Variants in GFM2 observed in about 807,000 individuals in gnomAD.
GFM2 encodes the protein GTP dependent ribosome recycling factor mitochondrial 2.
Under a neutral mutation model 95.4 loss-of-function variants are expected in GFM2, and 72 were observed. The observed-to-expected ratio is 0.76, with a 90% CI of 0.62 to 0.92. GFM2 has a LOEUF of 0.92. Among genes scored for constraint, GFM2 ranks in the 40% least tolerant of loss-of-function variants. The pLI is 0.00. For synonymous variants in GFM2, 276 were observed against 317.5 expected (o/e 0.87, Z 1.39); for missense variants, 825 against 924.1 (o/e 0.89, Z 1.39).
At chr5:74,749,495 T>C (rs1580004324) in intron 7 of GFM2, among the ~76,000 whole-genome samples, 1 of 152,338 alleles carries the variant, frequency 6.6e-6, no homozygotes, top group South Asian at 2.1e-4. Context: ...GTGCTTACTA[T>C]TCATTCACAT....
Position 74,721,658 on chromosome 5 carries a change from G to A in GFM2, c.2337C>T (p.Thr779=), listed in dbSNP as rs1247339753. ...TTCTCTCCAAAAACTAAAACATTTA[G>A]GTCAAACCACTTCTCCGGTTGAGCA... The part of the protein sequence containing the change: ...NTLLNRRSGL[T] The change falls in exon 21 of 21, where the codon ACC becomes ACT. Residue 779 remains threonine, a synonymous_variant. Coordinates refer to ENST00000296805, the MANE Select transcript of GFM2 (RefSeq NM_032380.5). 1 of 1,611,196 alleles carries A rather than the reference G, an allele frequency of 6.2e-7. No individual in the cohort carries two copies. Among genetic ancestry groups the A allele is most frequent in the South Asian group, 1.1e-5 (1 of 90,030 alleles).
At chr5:74,758,987 G>T in intron 4 of GFM2, 41 bp from the exon 5 acceptor site, 2 of 1,285,816 alleles carry the variant, frequency 1.6e-6, no homozygotes, top group Non-Finnish European at 2.3e-6. Context: ...TACTAAAATT[G>T]TAAAACCAAA....
intron 5 of GFM2, among the ~76,000 whole-genome samples, chr5:74,753,679 T>A (rs1743830507): frequency 6.6e-6 from 1 of 152,038 alleles, no homozygotes; most frequent in African/African-American, 2.4e-5. Flanking sequence ...AAAAAGAATT[T>A]TAAAAAAATG....
At position 74,725,921 on chromosome 5, in the gene GFM2, C is replaced by G. The variant is rs1561234642; in HGVS notation, c.1912+20G>C. On this transcript the variant is annotated intron_variant, in intron 18 of 20. Transcript: ENST00000296805. ...TGGTTGAGTGGGATACTAATGCTTA[C>G]TCTCATTTGAGTGTCTTACCTTGGA... is the stretch of plus-strand genomic sequence containing the variant. 1 of 1,594,930 alleles carries G rather than the reference C, an allele frequency of 6.3e-7. No individual in the cohort carries two copies. Among genetic ancestry groups the G allele is most frequent in the Non-Finnish European group, 8.6e-7 (1 of 1,168,318 alleles).
chr5:74,735,393 C>G lies in GFM2; in HGVS notation c.1510+1403G>C, dbSNP rs150138268. 4.6e-5 allele frequency among the ~76,000 whole-genome samples: 7 copies of G among 152,296 alleles called. No homozygotes were observed. In the East Asian group the frequency reaches 1.4e-3, roughly 29 times the overall value. On this transcript the variant is annotated intron_variant, in intron 15 of 20. Transcript: ENST00000296805. ...CTCTACTGGGCTAGGGATCTTCCTT[C>G]TTTCTCCCTACAGGGTCCTCAGGAA...
chr5:74,753,309 C>T (rs892781023), intron 5 of GFM2, among the ~76,000 whole-genome samples: 1 of 152,020 alleles, frequency 6.6e-6, no homozygotes, highest in Non-Finnish European at 1.5e-5. Context: ...GAAGAAACAA[C>T]TTCAAAGGCC....
At chr5:74,738,875 T>C (rs931054729) in intron 12 of GFM2, among the ~76,000 whole-genome samples, 2 of 152,152 alleles carry the variant, frequency 1.3e-5, no homozygotes, top group Non-Finnish European at 2.9e-5. Flanking sequence ...ATATTACTTC[T>C]ATTTGTGAAT....
intron 17 of GFM2, 59 bp from the exon 18 acceptor site, chr5:74,726,185 T>A: frequency 7.9e-7 from 1 of 1,258,318 alleles, no homozygotes; most frequent in Non-Finnish European, 1.1e-6. Context: ...ATCAAGGTAC[T>A]ATAAACAGCA....
chr5:74,760,552 C>T (rs1273949049), intron 3 of GFM2, among the ~76,000 whole-genome samples: 1 of 152,148 alleles, frequency 6.6e-6, no homozygotes, highest in Non-Finnish European at 1.5e-5. Flanking sequence ...TCTAGTAAAT[C>T]TCTCTTGACA....
chr5:74,750,671 A>C lies in GFM2; in HGVS notation c.431-4T>G. 1 of 1,608,372 alleles carries C rather than the reference A, an allele frequency of 6.2e-7. No homozygotes were observed. The highest frequency in any genetic ancestry group is 8.5e-7 in the Non-Finnish European group (1 of 1,175,486). On this transcript the variant is annotated splice_polypyrimidine_tract_variant and splice_region_variant and intron_variant, in intron 6 of 20. Transcript: ENST00000296805. ...TCCAAGGTAAAGTCCACATGACCTA[A>C]GAAAAAGATAAGACGTATAATGCCT...
At chr5:74,724,134 C>T (rs1750042427) in intron 19 of GFM2, among the ~76,000 whole-genome samples, 1 of 152,054 alleles carries the variant, frequency 6.6e-6, no homozygotes, top group South Asian at 2.1e-4. Context: ...TAAATGTAAG[C>T]CCCCATAAAG....
chr5:74,739,736 G>A (rs1743018991), intron 12 of GFM2, among the ~76,000 whole-genome samples: 2 of 152,022 alleles, frequency 1.3e-5, no homozygotes, highest in Non-Finnish European at 2.9e-5. Context: ...AGACTAAGAT[G>A]GCAGGGTCAA....
In GFM2 at chr5:74,721,275, T is replaced by G; in HGVS notation, c.*380A>C. Reference sequence around the variant, plus strand: ...TTAGACTGTTTTTTGAATAAAATATTTTTATTGATTGAACCTTTGACCCTC... The same window carrying G: ...TTAGACTGTTTTTTGAATAAAATATGTTTATTGATTGAACCTTTGACCCTC... On this transcript the variant is annotated 3_prime_UTR_variant, in exon 21 of 21. Transcript: ENST00000296805. The G allele has an allele frequency of 2.0e-6, 2 of 984,982 alleles. No individual in the cohort carries two copies. Among genetic ancestry groups the G allele is most frequent in the Non-Finnish European group, 3.2e-6 (2 of 621,852 alleles). 61.0% of individuals were successfully genotyped at this position (984,982 alleles called of 1,614,324 possible). A position where few individuals can be genotyped will look rare whatever the true frequency, so the allele number is the denominator to read the frequency against.
chr5:74,733,535 G>C (rs1742680871), intron 15 of GFM2: 1 of 153,870 alleles, frequency 6.5e-6, no homozygotes, highest in Non-Finnish European at 1.4e-5. Context: ...GGCTATACAA[G>C]GAACAATCTG....
Position 74,734,016 on chromosome 5 carries a change from G to A in GFM2, c.1511-918C>T, listed in dbSNP as rs576387856. Among the ~76,000 whole-genome samples the A allele has an allele frequency of 3.3e-5, 5 of 152,188 alleles. No homozygotes were observed. In the South Asian group the frequency reaches 1.0e-3, roughly 32 times the overall value. On this transcript the variant is annotated intron_variant, in intron 15 of 20. Coordinates refer to ENST00000296805, the MANE Select transcript of GFM2 (RefSeq NM_032380.5). ...ATATGTTAGAAGTTCCACAGACAAA[G>A]TGTAGCTAAAGAAAAGAGCTGAGCA...
intron 19 of GFM2, among the ~76,000 whole-genome samples, 154 bp downstream of exon 19, chr5:74,725,486 C>T (rs1406056904): frequency 6.6e-6 from 1 of 152,106 alleles, no homozygotes; most frequent in Non-Finnish European, 1.5e-5. Context: ...ATTAAGAAAT[C>T]AGAGATTCTC....
chr5:74,730,482 A>G (rs1184682630), intron 16 of GFM2, 84 bp from the exon 17 acceptor site: 1 of 875,896 alleles, frequency 1.1e-6, no homozygotes, highest in Non-Finnish European at 1.6e-6. Flanking sequence ...ATGTTAATAC[A>G]TACTTATTTT....
rs1327034823 is a variant in GFM2, at chr5:74,738,621, T to C, written c.1101A>G (p.Leu367=). 6.2e-6 allele frequency: 10 copies of C among 1,612,736 alleles called. No individual in the cohort carries two copies. Among genetic ancestry groups the C allele is most frequent in the African/African-American group, 1.3e-5 (1 of 74,788 alleles). Residue 367 remains leucine, a synonymous_variant, in exon 13 of 21, where the codon TTA becomes TTG. Transcript: ENST00000296805. ...GGAGAACTTTAAATGCCAATGCACA[T>C]AAGTCATCCTTATACCACTGCCTAT... ...YEFLQWYKDD[L]CALAFKVLHD...
At chr5:74,766,490 G>A (rs1744619267) in intron 1 of GFM2, among the ~76,000 whole-genome samples, 2 of 152,168 alleles carry the variant, frequency 1.3e-5, no homozygotes, top group Admixed American at 6.5e-5. Flanking sequence ...GTGTATTTAA[G>A]TAGACGTACT....
Sources: gnomAD v4.1 joint callset for allele counts (sites outside exome capture counted in the v4.1 genomes callset) on GRCh38, gnomAD v4.1.1 for gene constraint, MANE v1.5 for transcripts, NCBI Gene and HGNC (gene_info 2026-07-23, HGNC 2026-07-21) for gene names.